The following FNIP1 variants were observed in gnomAD, a reference collection of about 807,000 sequenced individuals.
The protein encoded by FNIP1 is folliculin-interacting protein 1.
FNIP1 carries 40 observed loss-of-function variants against 124.5 expected under a neutral mutation model. The ratio of observed to expected loss-of-function variants is 0.32; its 90% confidence interval spans 0.25 to 0.42. The LOEUF (loss-of-function observed/expected upper bound fraction) is 0.42. Among genes scored for constraint, FNIP1 ranks in the 10% least tolerant of loss-of-function variants. The pLI is 1.00. For synonymous variants in FNIP1, 472 were observed against 470.6 expected, an observed-to-expected ratio of 1.00 and a Z score of -0.04; for missense variants, 1,176 against 1,403.7, an observed-to-expected ratio of 0.84 and a Z score of 2.59.
chr5:131,671,379 G>A, intron 14 of FNIP1, 126 bp downstream of exon 14: 1 of 817,306 alleles, frequency 1.2e-6, no homozygotes, highest in Non-Finnish European at 1.9e-6. Context: ...TGAGTTAAGA[G>A]AATATGAAAA....
chr5:131,772,653 C>T (rs144052790), intron 1 of FNIP1, among the ~76,000 whole-genome samples: 1 of 152,258 alleles, frequency 6.6e-6, no homozygotes, highest in Non-Finnish European at 1.5e-5. Context: ...GGCCCATGCA[C>T]CAGTCTCCCA....
At chr5:131,729,619 C>G (rs965726552) in intron 3 of FNIP1, among the ~76,000 whole-genome samples, 1 of 152,200 alleles carries the variant, frequency 6.6e-6, no homozygotes, top group South Asian at 2.1e-4. Flanking sequence ...ACTCTGTCAC[C>G]CAGGGTGGGT....
rs748038495 is a variant in FNIP1 at position 131,730,930 on chromosome 5, T to A, written c.328A>T (p.Ile110Leu). 7 of 1,607,696 alleles carry A rather than the reference T, an allele frequency of 4.4e-6. 1 individual carries two copies. In the South Asian group the frequency reaches 7.8e-5, roughly 18 times the overall value. Residue 110 changes from isoleucine (I) to leucine (L), a missense_variant, in exon 3 of 18, where the codon ATA (isoleucine) becomes TTA (leucine). Coordinates refer to ENST00000510461, the MANE Select transcript of FNIP1 (RefSeq NM_133372.3). The stretch of plus-strand genomic sequence containing the variant: ...TGGTACTTAAGACACTGGTCTTTTA[T>A]ATCAGAAGATGAAGTCACAGAACTA... Reference protein sequence around the residue: ...LDSSVTSSSDIKDQCLKYQGS... With the variant: ...LDSSVTSSSDLKDQCLKYQGS...
rs188534811 is a variant in FNIP1, at chr5:131,780,823, G to A, written c.92+16007C>T. 5.3e-5 allele frequency among the ~76,000 whole-genome samples: 8 copies of A among 152,136 alleles called. No homozygotes were observed. The East Asian group carries it at 1.5e-3, about 29-fold the overall frequency. On this transcript the variant is annotated intron_variant, in intron 1 of 17. Coordinates refer to ENST00000510461, the MANE Select transcript of FNIP1 (RefSeq NM_133372.3). Reference sequence around the variant, plus strand: ...CTGAGACATACCATATGGAAATTAGGCCAATTAATAACCCCACAATGGCCT... The same window carrying A: ...CTGAGACATACCATATGGAAATTAGACCAATTAATAACCCCACAATGGCCT...
At chr5:131,657,016 T>C (rs1015086422) in intron 15 of FNIP1, among the ~76,000 whole-genome samples, 1 of 144,968 alleles carries the variant, frequency 6.9e-6, no homozygotes, top group African/African-American at 2.6e-5. Flanking sequence ...AATCCACCCA[T>C]GCCTTTTTTT....
rs973259606 is a variant in FNIP1, at chr5:131,679,300, CA to C, written c.1203-126del. 7 of 638,896 alleles carry C rather than the reference CA, an allele frequency of 1.1e-5. No homozygotes were observed. The African/African-American group carries it at 1.3e-4, about 12-fold the overall frequency. 39.6% of individuals were successfully genotyped at this position (638,896 alleles called of 1,614,324 possible). On this transcript the variant is annotated intron_variant, in intron 11 of 17. Coordinates refer to ENST00000510461, the MANE Select transcript of FNIP1 (RefSeq NM_133372.3). ...GATTATTAAAGCTTTTGAGGAAAGA[CA>C]ATGGACCAAGTCCTTCTTTCCTTGT...
chr5:131,687,124 G>A (rs1323699634), intron 11 of FNIP1, among the ~76,000 whole-genome samples: 1 of 116,830 alleles, frequency 8.6e-6, no homozygotes, highest in Admixed American at 9.6e-5. Flanking sequence ...TTTTTCCTTT[G>A]AGACAGGGTC....
At chr5:131,667,428 T>C (rs1767634135) in intron 15 of FNIP1, among the ~76,000 whole-genome samples, 1 of 152,212 alleles carries the variant, frequency 6.6e-6, no homozygotes, top group Admixed American at 6.5e-5. Flanking sequence ...TTCTCTACTA[T>C]ACAATAAAAC....
intron 10 of FNIP1, among the ~76,000 whole-genome samples, chr5:131,702,977 C>T (rs1032520348): frequency 1.3e-5 from 2 of 152,196 alleles, no homozygotes; most frequent in African/African-American, 4.8e-5. Flanking sequence ...AGTTTCATGG[C>T]TTTAAATACC....
rs531654045 is a variant in FNIP1 at position 131,738,675 on chromosome 5, C to CT, written c.219+5888dup. ...CCACCACACCCGGCTAATTTTTGTA[C>CT]TTTTTTTTTTAGTAGAGACGGGGTT... On this transcript the variant is annotated intron_variant, in intron 2 of 17. Coordinates refer to ENST00000510461, the MANE Select transcript of FNIP1 (RefSeq NM_133372.3). Among the ~76,000 whole-genome samples the CT allele has an allele frequency of 7.7e-4, 113 of 147,524 alleles. 1 individual carries two copies. In the South Asian group the frequency reaches 0.017, roughly 22 times the overall value.
intron 15 of FNIP1, among the ~76,000 whole-genome samples, chr5:131,664,208 G>A (rs1767526021): frequency 6.6e-6 from 1 of 152,110 alleles, no homozygotes; most frequent in South Asian, 2.1e-4. Flanking sequence ...GGTTTTCTTA[G>A]TGAATTGATC....
chr5:131,692,930 C>T (rs1768529293), intron 11 of FNIP1, among the ~76,000 whole-genome samples: 2 of 151,694 alleles, frequency 1.3e-5, no homozygotes, highest in South Asian at 4.2e-4. Flanking sequence ...ATCACTTGAA[C>T]CCAGGAGGTG....
intron 1 of FNIP1, among the ~76,000 whole-genome samples, chr5:131,770,481 G>C (rs1006384603): frequency 1.3e-5 from 2 of 152,064 alleles, no homozygotes; most frequent in African/African-American, 2.4e-5. Context: ...ATCCCGATAG[G>C]ACTAATTCAC....
intron 2 of FNIP1, among the ~76,000 whole-genome samples, chr5:131,735,619 T>C (rs894397510): frequency 6.7e-6 from 1 of 149,162 alleles, no homozygotes; most frequent in African/African-American, 2.4e-5. Flanking sequence ...TACACATATT[T>C]ATATATGTAT....
At chr5:131,653,630 T>C (rs1767108552) in intron 15 of FNIP1, among the ~76,000 whole-genome samples, 1 of 151,668 alleles carries the variant, frequency 6.6e-6, no homozygotes, top group South Asian at 2.1e-4. Context: ...AGAAAGAAAA[T>C]ACTCAAATCA....
chr5:131,679,522 A>G (rs1278303652), intron 11 of FNIP1, among the ~76,000 whole-genome samples: 1 of 152,234 alleles, frequency 6.6e-6, no homozygotes, highest in Non-Finnish European at 1.5e-5. Flanking sequence ...GGTATGCTGT[A>G]CTTAAATATA....
At chr5:131,778,109 A>T (rs1224073178) in intron 1 of FNIP1, among the ~76,000 whole-genome samples, 1 of 152,038 alleles carries the variant, frequency 6.6e-6, no homozygotes, top group Non-Finnish European at 1.5e-5. Context: ...TTGTAATCCC[A>T]ACACTTTGGG....
intron 16 of FNIP1, among the ~76,000 whole-genome samples, chr5:131,650,910 A>G (rs1343239896): frequency 6.6e-6 from 1 of 152,214 alleles, no homozygotes; most frequent in Non-Finnish European, 1.5e-5. Flanking sequence ...AAGTCCTGAC[A>G]TGACAATGAG....
chr5:131,748,709 GAA>G lies in FNIP1; in HGVS notation c.93-4021_93-4020del, dbSNP rs1189333248. ...GAGACTCTGTCTCAAAAAAAAAAAAGAAAAAAAAAAAAAAAGACTATGTTACT... is the reference window on the plus strand; with the variant it reads ...GAGACTCTGTCTCAAAAAAAAAAAAGAAAAAAAAAAAAAGACTATGTTACT... On this transcript the variant is annotated intron_variant, in intron 1 of 17. Transcript: ENST00000510461. Among the ~76,000 whole-genome samples the G allele has an allele frequency of 3.9e-3, 381 of 97,846 alleles. 5 individuals are homozygous for G. The highest frequency in any genetic ancestry group is 0.013 in the African/African-American group (354 of 26,784). The allele number at this position is 97,846 out of a possible 152,430, so 64.2% of individuals were successfully genotyped here.
Sources: gnomAD v4.1 joint callset for allele counts (sites outside exome capture counted in the v4.1 genomes callset) on GRCh38, gnomAD v4.1.1 for gene constraint, MANE v1.5 for transcripts, NCBI Gene and HGNC (gene_info 2026-07-23, HGNC 2026-07-21) for gene names.